Variants in NKAIN3 observed in about 807,000 individuals in gnomAD.
NKAIN3 encodes sodium/potassium transporting ATPase interacting 3, also known as sodium/potassium-transporting ATPase subunit beta-1-interacting protein 3.
NKAIN3 carries 25 observed loss-of-function variants against 30.2 expected under a neutral mutation model. The observed-to-expected ratio is 0.83, with a 90% CI of 0.60 to 1.16. NKAIN3 has a LOEUF of 1.16. NKAIN3 is among the 50% of genes most tolerant of loss of function. The pLI is 0.00. For synonymous variants in NKAIN3, 91 were observed against 89.6 expected (o/e 1.02, Z -0.09); for missense variants, 225 against 254.1 (o/e 0.89, Z 0.78).
intron 4 of NKAIN3, among the ~76,000 whole-genome samples, chr8:62,911,058 C>A (rs16929818): frequency 0.091 from 13,773 of 152,046 alleles, 654 homozygotes; most frequent in South Asian, 0.15. Context: ...TTAACGTATA[C>A]TTTAGGCATC....
At chr8:62,724,332 T>C (rs535917345) in intron 3 of NKAIN3, among the ~76,000 whole-genome samples, 4 of 152,204 alleles carry the variant, frequency 2.6e-5, no homozygotes, top group African/African-American at 9.6e-5. Flanking sequence ...GTACAATACT[T>C]CAGAGTAAAT....
Position 62,698,852 on chromosome 8 carries a change from A to G in NKAIN3, c.274-48080A>G, listed in dbSNP as rs544458783. Among the ~76,000 whole-genome samples, 3 of 152,340 alleles carry G rather than the reference A, an allele frequency of 2.0e-5. No homozygotes were observed. In the East Asian group the frequency reaches 5.8e-4, roughly 29 times the overall value. On this transcript the variant is annotated intron_variant, in intron 3 of 6. Coordinates refer to ENST00000623646, the MANE Select transcript of NKAIN3 (RefSeq NM_001304533.3). ...GGACGGAACCACGCAACAATCCACT[A>G]GAAACCTCCCTTGTGATTGACATCA...
intron 4 of NKAIN3, chr8:62,863,692 TGTGTCTG>T (rs1820328639): frequency 2.8e-6 from 4 of 1,450,776 alleles, no homozygotes; most frequent in African/African-American, 1.4e-5. Flanking sequence ...CATCCAAGGC[TGTGTCTG>T]TATCACGCTG....
chr8:62,913,507 TA>T (rs1227181443), intron 4 of NKAIN3, among the ~76,000 whole-genome samples: 1 of 152,204 alleles, frequency 6.6e-6, no homozygotes, highest in African/African-American at 2.4e-5. Context: ...CAAAACTCCA[TA>T]CTATAATGCA....
Position 62,861,239 on chromosome 8 carries a change from G to A in NKAIN3, c.472-57214G>A, listed in dbSNP as rs185226234. Among the ~76,000 whole-genome samples the A allele has an allele frequency of 1.1e-4, 16 of 152,288 alleles. No homozygotes were observed. The East Asian group carries it at 2.7e-3, about 26-fold the overall frequency. On this transcript the variant is annotated intron_variant, in intron 4 of 6. Transcript: ENST00000623646. ...GGATACTGGCCATTATTCAAGAACT[G>A]GTCTTAGTCACACACACAAACCATA... is the stretch of plus-strand genomic sequence containing the variant.
intron 3 of NKAIN3, among the ~76,000 whole-genome samples, chr8:62,718,500 T>C (rs544842098): frequency 3.3e-5 from 5 of 152,356 alleles, no homozygotes; most frequent in South Asian, 2.1e-4. Flanking sequence ...GTATCTTTTT[T>C]CCTTAATTTA....
At chr8:62,301,378 C>T (rs7845607) in intron 1 of NKAIN3, among the ~76,000 whole-genome samples, 9,475 of 152,086 alleles carry the variant, frequency 0.062, 985 homozygotes, top group African/African-American at 0.21. Flanking sequence ...GGCTCTAGCA[C>T]TGCCTCATGA....
intron 5 of NKAIN3, among the ~76,000 whole-genome samples, chr8:62,953,284 C>T (rs1220632840): frequency 2.6e-5 from 4 of 151,992 alleles, no homozygotes; most frequent in African/African-American, 7.3e-5. Flanking sequence ...AAACATCATA[C>T]GTGTACATTA....
rs191966330 is a variant in NKAIN3 at position 62,906,392 on chromosome 8, A to T, written c.472-12061A>T. 6.6e-5 allele frequency among the ~76,000 whole-genome samples: 10 copies of T among 152,336 alleles called. No individual in the cohort carries two copies. In the East Asian group the frequency reaches 1.5e-3, roughly 24 times the overall value. Reference sequence around the variant, plus strand: ...TTCATTAGAATAAAGCTCTGCACAGAGCAGTGTGTCAGTCTCTGTCTGCCT... The same window carrying T: ...TTCATTAGAATAAAGCTCTGCACAGTGCAGTGTGTCAGTCTCTGTCTGCCT... On this transcript the variant is annotated intron_variant, in intron 4 of 6. Coordinates refer to ENST00000623646, the MANE Select transcript of NKAIN3 (RefSeq NM_001304533.3).
chr8:62,412,149 A>G (rs1302731206), intron 1 of NKAIN3, among the ~76,000 whole-genome samples: 1 of 152,220 alleles, frequency 6.6e-6, no homozygotes, highest in African/African-American at 2.4e-5. Context: ...AAGGCATCAC[A>G]CTAACCAAAT....
chr8:62,899,536 A>T (rs887339099), intron 4 of NKAIN3, among the ~76,000 whole-genome samples: 8 of 152,148 alleles, frequency 5.3e-5, no homozygotes. Flanking sequence ...GGGATCTAAA[A>T]ATCAAACTCA....
intron 3 of NKAIN3, among the ~76,000 whole-genome samples, chr8:62,690,832 A>G (rs1291854691): frequency 6.6e-6 from 1 of 152,224 alleles, no homozygotes. Flanking sequence ...AGTATCTACA[A>G]GGGAAGGATG....
Position 62,260,994 on chromosome 8 carries a change from G to A in NKAIN3, c.54+11867G>A, listed in dbSNP as rs150692442. ...TACATCCAGTGACATCATATTGGTA[G>A]CTAAAATTTTTTTATGAAGTGTTTA... On this transcript the variant is annotated intron_variant, in intron 1 of 6. Coordinates refer to ENST00000623646, the MANE Select transcript of NKAIN3 (RefSeq NM_001304533.3). Among the ~76,000 whole-genome samples, 863 of 152,152 alleles carry A rather than the reference G, an allele frequency of 5.7e-3. 6 individuals carry two copies. Among genetic ancestry groups the A allele is most frequent in the Middle Eastern group, 0.01 (3 of 294 alleles).
At chr8:62,803,160 T>C (rs1175300376) in intron 4 of NKAIN3, among the ~76,000 whole-genome samples, 2 of 152,008 alleles carry the variant, frequency 1.3e-5, no homozygotes, top group Non-Finnish European at 2.9e-5. Context: ...CACACAATAA[T>C]AATGGGAGAC....
At chr8:62,825,585 A>T (rs1483262490) in intron 4 of NKAIN3, among the ~76,000 whole-genome samples, 2 of 152,072 alleles carry the variant, frequency 1.3e-5, no homozygotes, top group African/African-American at 4.8e-5. Context: ...AACCAGCCAA[A>T]CCTACTGAGC....
intron 1 of NKAIN3, among the ~76,000 whole-genome samples, chr8:62,325,430 C>T (rs1815082509): frequency 6.6e-6 from 1 of 152,060 alleles, no homozygotes; most frequent in African/African-American, 2.4e-5. Flanking sequence ...GTGAATTGTG[C>T]TGCTATAAAC....
chr8:62,623,821 T>C (rs1811700988), intron 3 of NKAIN3, among the ~76,000 whole-genome samples: 1 of 151,874 alleles, frequency 6.6e-6, no homozygotes, highest in Non-Finnish European at 1.5e-5. Context: ...GGTGAGTCCA[T>C]AAAGTAAAGT....
At chr8:62,928,198 A>C (rs1405964168) in intron 5 of NKAIN3, among the ~76,000 whole-genome samples, 2 of 152,216 alleles carry the variant, frequency 1.3e-5, no homozygotes, top group Non-Finnish European at 2.9e-5. Context: ...AAAAGCATTT[A>C]TCTCTCCTTC....
chr8:62,865,291 T>G (rs1173107142), intron 4 of NKAIN3, among the ~76,000 whole-genome samples: 1 of 152,226 alleles, frequency 6.6e-6, no homozygotes, highest in Admixed American at 6.5e-5. Context: ...GCCTTCAGCA[T>G]CCTTGGTTGA....
Sources: allele counts gnomAD v4.1 joint callset (sites outside exome capture counted in the v4.1 genomes callset), GRCh38; gene constraint gnomAD v4.1.1; transcripts MANE v1.5; gene names NCBI Gene and HGNC (gene_info 2026-07-23, HGNC 2026-07-21).